Variants in PHYHIPL observed in about 807,000 individuals in gnomAD.
The protein encoded by PHYHIPL is phytanoyl-CoA hydroxylase-interacting protein-like.
A neutral mutation model predicts 33.4 loss-of-function variants in PHYHIPL; 9 were observed. The observed-to-expected ratio is 0.27, with a 90% confidence interval of 0.16 to 0.47. The LOEUF is 0.47. Ranked by LOEUF, PHYHIPL falls within the 20% of genes least tolerant of loss-of-function variation. The pLI, the probability that PHYHIPL is intolerant of heterozygous loss-of-function variation, is 0.99. For synonymous variants in PHYHIPL, 153 were observed against 154.1 expected (o/e 0.99, Z 0.05); for missense variants, 365 against 460.7 (o/e 0.79, Z 1.90).
rs1208662671 is a variant in PHYHIPL at position 59,176,801 on chromosome 10, C to T, written c.-53C>T. 5.9e-6 allele frequency: 9 copies of T among 1,512,978 alleles called. No homozygotes were observed. The East Asian group carries it at 1.4e-4, about 24-fold the overall frequency. The allele number at this position is 1,512,978 out of a possible 1,614,324, so 93.7% of individuals were successfully genotyped here. A position where few individuals can be genotyped will look rare whatever the true frequency, so the allele number is the denominator to read the frequency against. The stretch of plus-strand genomic sequence containing the variant: ...TTCCCGCTCTTCTTGCCCACCCGGC[C>T]GGCAGAGAGAGCCTGGATACGAAGC... On this transcript the variant is annotated 5_prime_UTR_variant, in exon 1 of 5. Coordinates refer to ENST00000373880, the MANE Select transcript of PHYHIPL (RefSeq NM_032439.4).
intron 1 of PHYHIPL, among the ~76,000 whole-genome samples, chr10:59,189,785 G>A (rs186235161): frequency 6.6e-6 from 1 of 151,848 alleles, no homozygotes; most frequent in South Asian, 2.1e-4. Flanking sequence ...TTTTATTGAG[G>A]GTTAAAAGTA....
At chr10:59,202,710 G>T (rs1020523976) in intron 1 of PHYHIPL, among the ~76,000 whole-genome samples, 1 of 152,160 alleles carries the variant, frequency 6.6e-6, no homozygotes, top group Non-Finnish European at 1.5e-5. Context: ...TTTTCCAGTT[G>T]TGAATATGTG....
intron 4 of PHYHIPL, among the ~76,000 whole-genome samples, chr10:59,239,761 C>T (rs1840335799): frequency 6.6e-6 from 1 of 151,786 alleles, no homozygotes; most frequent in African/African-American, 2.4e-5. Context: ...GTTTTAAAAG[C>T]CTTAGTCTCA....
At chr10:59,202,811 C>A (rs1324758744) in intron 1 of PHYHIPL, among the ~76,000 whole-genome samples, 1 of 152,162 alleles carries the variant, frequency 6.6e-6, no homozygotes, top group African/African-American at 2.4e-5. Context: ...TTCTGAAGCT[C>A]ATGCTCTTAA....
chr10:59,176,488 C>CG (rs764183002), upstream of PHYHIPL: 7,056 of 159,362 alleles, frequency 0.044, 454 homozygotes, highest in African/African-American at 0.14. Flanking sequence ...CGCAGAAGGG[C>CG]GGGGGAGGGA....
chr10:59,180,990 T>C (rs1838400411), intron 1 of PHYHIPL, among the ~76,000 whole-genome samples: 2 of 152,172 alleles, frequency 1.3e-5, no homozygotes, highest in Admixed American at 6.5e-5. Flanking sequence ...CAGTGTAGCA[T>C]AGTGATAATA....
intron 1 of PHYHIPL, among the ~76,000 whole-genome samples, chr10:59,230,741 A>G (rs1236338916): frequency 6.6e-6 from 1 of 152,136 alleles, no homozygotes; most frequent in Non-Finnish European, 1.5e-5. Flanking sequence ...TTGCTTTTAT[A>G]CATTTTATGG....
At chr10:59,237,739 A>G (rs1430435927) in intron 3 of PHYHIPL, among the ~76,000 whole-genome samples, 1 of 151,940 alleles carries the variant, frequency 6.6e-6, no homozygotes, top group African/African-American at 2.4e-5. Context: ...AGCCTATGAC[A>G]GGGTTTAAAA....
chr10:59,176,599 A>C, upstream of PHYHIPL: 5 of 312,860 alleles, frequency 1.6e-5, no homozygotes, highest in South Asian at 1.2e-4. Context: ...CCCCGCCGGG[A>C]GCGCGCGCCT....
At chr10:59,175,354 G>A (rs1838231049), upstream of PHYHIPL, among the ~76,000 whole-genome samples, 2 of 152,018 alleles carry the variant, frequency 1.3e-5, no homozygotes, top group South Asian at 2.1e-4. Flanking sequence ...CTTTAAGCTG[G>A]TCCTTCCATT....
chr10:59,177,134 A>G (rs1838273411), intron 1 of PHYHIPL, 175 bp downstream of exon 1: 6 of 624,236 alleles, frequency 9.6e-6, no homozygotes, highest in East Asian at 3.0e-5. Context: ...CACCCCAGAA[A>G]CAAAAGGACC....
chr10:59,247,457 T>G lies in PHYHIPL; in HGVS notation c.*1866T>G. On this transcript the variant is annotated 3_prime_UTR_variant, in exon 5 of 5. Transcript: ENST00000373880. ...CCCCCGTTTAAATCCCTTCTCCTTG[T>G]ATATAATTAAACTTGCTATTCCTTC... 1.2e-6 allele frequency: 1 copy of G among 852,992 alleles called. No individual in the cohort carries two copies. Among genetic ancestry groups the G allele is most frequent in the Non-Finnish European group, 1.9e-6 (1 of 539,810 alleles). 52.8% of individuals were successfully genotyped at this position (852,992 alleles called of 1,614,324 possible). A position where few individuals can be genotyped will look rare whatever the true frequency, so the allele number is the denominator to read the frequency against.
chr10:59,212,804 G>T (rs1839500171), intron 1 of PHYHIPL, among the ~76,000 whole-genome samples: 1 of 152,150 alleles, frequency 6.6e-6, no homozygotes, highest in Non-Finnish European at 1.5e-5. Flanking sequence ...TGTAATTGAA[G>T]TGTATCCCCA....
At chr10:59,228,107 T>A (rs1839979590) in intron 1 of PHYHIPL, among the ~76,000 whole-genome samples, 1 of 152,004 alleles carries the variant, frequency 6.6e-6, no homozygotes, top group Non-Finnish European at 1.5e-5. Context: ...TCTTGGGATT[T>A]CTTCAAAGAT....
At chr10:59,185,884 G>T (rs1838583968) in intron 1 of PHYHIPL, among the ~76,000 whole-genome samples, 1 of 152,152 alleles carries the variant, frequency 6.6e-6, no homozygotes, top group African/African-American at 2.4e-5. Flanking sequence ...CAGATGAGTA[G>T]ATTGCGAAAA....
At position 59,186,710 on chromosome 10, in the gene PHYHIPL, A is replaced by C. The variant is rs551940138; in HGVS notation, c.106+9751A>C. On this transcript the variant is annotated intron_variant, in intron 1 of 4. Transcript: ENST00000373880. ...TGTAAGTTGGATTCCTAGGTATTTT[A>C]TTCTCTTAGTAGCAGTTGTGAATGG... Among the ~76,000 whole-genome samples the C allele has an allele frequency of 1.4e-4, 21 of 152,124 alleles. No homozygotes were observed. In the East Asian group the frequency reaches 3.9e-3, roughly 28 times the overall value.
At chr10:59,194,711 T>C (rs1351684239) in intron 1 of PHYHIPL, among the ~76,000 whole-genome samples, 2 of 152,220 alleles carry the variant, frequency 1.3e-5, no homozygotes, top group Non-Finnish European at 2.9e-5. Context: ...TGATACCAAC[T>C]AATTTGTCTT....
At chr10:59,178,548 AAC>A (rs769002049) in intron 1 of PHYHIPL, among the ~76,000 whole-genome samples, 2 of 152,188 alleles carry the variant, frequency 1.3e-5, no homozygotes, top group Non-Finnish European at 2.9e-5. Context: ...GGTTGAGAGA[AAC>A]ACAAGACTAA....
Position 59,180,359 on chromosome 10 carries a change from T to TATATAC in PHYHIPL, c.106+3403_106+3404insTACATA, listed in dbSNP as rs1564698961. ...ATATATATATATATATATATATATA[T>TATATAC]ATACTTTTTCTTCCTCGTTGAACAG... is the stretch of plus-strand genomic sequence containing the variant. On this transcript the variant is annotated intron_variant, in intron 1 of 4. Coordinates refer to ENST00000373880, the MANE Select transcript of PHYHIPL (RefSeq NM_032439.4). Among the ~76,000 whole-genome samples the TATATAC allele has an allele frequency of 8.4e-4, 95 of 112,542 alleles. 2 individuals are homozygous for TATATAC. Among genetic ancestry groups the TATATAC allele is most frequent in the African/African-American group, 2.7e-3 (82 of 29,976 alleles). 73.8% of individuals were successfully genotyped at this position (112,542 alleles called of 152,430 possible). A position where few individuals can be genotyped will look rare whatever the true frequency, so the allele number is the denominator to read the frequency against.
Sources: gnomAD v4.1 joint callset for allele counts (sites outside exome capture counted in the v4.1 genomes callset) on GRCh38, gnomAD v4.1.1 for gene constraint, MANE v1.5 for transcripts, NCBI Gene and HGNC (gene_info 2026-07-23, HGNC 2026-07-21) for gene names.